PRKCB: variants seen among roughly 807,000 people sequenced by gnomAD.
PRKCB encodes the protein protein kinase C beta type.
In PRKCB, 13 loss-of-function variants were observed where a neutral mutation model predicts 81.5. The ratio of observed to expected loss-of-function variants is 0.16; its 90% confidence interval spans 0.10 to 0.25. The LOEUF is 0.25. Among genes scored for constraint, PRKCB ranks in the 10% least tolerant of loss-of-function variants. PRKCB has a pLI of 1.00. For missense variants in PRKCB, 509 were observed against 875.7 expected, an observed-to-expected ratio of 0.58 and a Z score of 5.29; for synonymous variants, 335 against 321.4, an observed-to-expected ratio of 1.04 and a Z score of -0.45.
Position 24,220,384 on chromosome 16 carries a change from A to G in PRKCB, c.*5568A>G, listed in dbSNP as rs929983199. On this transcript the variant is annotated 3_prime_UTR_variant, in exon 17 of 17. Coordinates refer to ENST00000643927, the MANE Select transcript of PRKCB (RefSeq NM_002738.7). ...CAAATGAACAGACAATGTCAAAACT[A>G]CTGTGTCTGATACCAAAATGCTTCA... 21 of 288,166 alleles carry G rather than the reference A, an allele frequency of 7.3e-5. No homozygotes were observed. The highest frequency in any genetic ancestry group is 3.7e-4 in the African/African-American group (17 of 45,768). The allele number at this position is 288,166 out of a possible 1,614,324, so 17.9% of individuals were successfully genotyped here.
intron 2 of PRKCB, among the ~76,000 whole-genome samples, chr16:23,892,111 G>A (rs530244836): frequency 4.0e-5 from 6 of 151,172 alleles, no homozygotes; most frequent in South Asian, 2.1e-4. Context: ...TAAGTGGCAC[G>A]ATTCCCTTGG....
At chr16:24,023,609 C>T (rs1206887573) in intron 3 of PRKCB, among the ~76,000 whole-genome samples, 1 of 152,112 alleles carries the variant, frequency 6.6e-6, no homozygotes, top group African/African-American at 2.4e-5. Flanking sequence ...ACCTCGTGAT[C>T]CGCCAGCCTC....
At chr16:23,866,565 A>T (rs531416545) in intron 2 of PRKCB, among the ~76,000 whole-genome samples, 3 of 152,308 alleles carry the variant, frequency 2.0e-5, no homozygotes, top group Non-Finnish European at 2.9e-5. Context: ...TCTCCCATGC[A>T]TATGGCCACT....
intron 2 of PRKCB, among the ~76,000 whole-genome samples, chr16:23,936,175 A>C (rs1964055010): frequency 6.7e-6 from 1 of 149,614 alleles, no homozygotes; most frequent in Admixed American, 6.7e-5. Flanking sequence ...GACATACTGC[A>C]ACCCCTATTC....
intron 3 of PRKCB, among the ~76,000 whole-genome samples, chr16:24,030,269 A>C (rs1467977976): frequency 6.6e-6 from 1 of 152,236 alleles, no homozygotes; most frequent in Non-Finnish European, 1.5e-5. Flanking sequence ...CTGTGAGGAA[A>C]GAATCTCTTG....
chr16:23,888,473 C>G (rs915841191), intron 2 of PRKCB, among the ~76,000 whole-genome samples: 1 of 152,194 alleles, frequency 6.6e-6, no homozygotes, highest in Non-Finnish European at 1.5e-5. Flanking sequence ...TCCTTGCTGC[C>G]TTTCTGTGAT....
intron 13 of PRKCB, among the ~76,000 whole-genome samples, chr16:24,182,582 T>C (rs1967642882): frequency 6.6e-6 from 1 of 152,156 alleles, no homozygotes; most frequent in South Asian, 2.1e-4. Context: ...TCAAGTCTTA[T>C]TTGATCCTCA....
intron 5 of PRKCB, among the ~76,000 whole-genome samples, chr16:24,078,746 C>T (rs932388427): frequency 6.6e-6 from 1 of 152,140 alleles, no homozygotes; most frequent in African/African-American, 2.4e-5. Flanking sequence ...TCTTCCCTGT[C>T]GAGGGAAATG....
intron 2 of PRKCB, among the ~76,000 whole-genome samples, chr16:23,924,543 G>C (rs1477972965): frequency 6.6e-6 from 1 of 151,896 alleles, no homozygotes; most frequent in Non-Finnish European, 1.5e-5. Context: ...TCTAGTTTCT[G>C]TTTCCTCTTG....
intron 3 of PRKCB, among the ~76,000 whole-genome samples, chr16:23,992,986 A>T (rs1964907449): frequency 6.6e-6 from 1 of 152,044 alleles, no homozygotes; most frequent in Non-Finnish European, 1.5e-5. Context: ...CATCTTGTCT[A>T]AGGGAACTAA....
intron 2 of PRKCB, among the ~76,000 whole-genome samples, chr16:23,981,300 C>T (rs1032013465): frequency 3.3e-5 from 5 of 152,004 alleles, no homozygotes; most frequent in African/African-American, 1.2e-4. Flanking sequence ...CTTCCATCAT[C>T]ACGTCTCATC....
intron 5 of PRKCB, among the ~76,000 whole-genome samples, chr16:24,075,047 A>G (rs2141887806): frequency 6.6e-6 from 1 of 151,452 alleles, no homozygotes; most frequent in Middle Eastern, 3.4e-3. Flanking sequence ...TGAGCCCAAG[A>G]GGTTGAGACT....
At chr16:24,046,276 G>A (rs1965763659) in intron 5 of PRKCB, among the ~76,000 whole-genome samples, 2 of 152,208 alleles carry the variant, frequency 1.3e-5, no homozygotes, top group Admixed American at 1.3e-4. Flanking sequence ...AGTCAGGCCT[G>A]GGTTTGAATC....
At chr16:23,850,655 A>AGG (rs1962457676) in intron 2 of PRKCB, among the ~76,000 whole-genome samples, 4 of 152,128 alleles carry the variant, frequency 2.6e-5, no homozygotes, top group African/African-American at 9.7e-5. Flanking sequence ...GTCAGCCACC[A>AGG]TGCTCGGTGG....
In PRKCB at chr16:23,956,979, T is replaced by TAAAAAA. The variant is rs10714409; in HGVS notation, c.206-31507_206-31502dup. Among the ~76,000 whole-genome samples, 37 of 45,978 alleles carry TAAAAAA rather than the reference T, an allele frequency of 8.0e-4. 1 individual carries two copies. The highest frequency in any genetic ancestry group is 2.8e-3 in the African/African-American group (31 of 11,200). 30.2% of individuals were successfully genotyped at this position (45,978 alleles called of 152,430 possible). ...TACAGGTGGAGTAAGCTATAGGCAGTAAAAAAAAAAAAAAAAAAAAAAAAA... is the reference window on the plus strand; with the variant it reads ...TACAGGTGGAGTAAGCTATAGGCAGTAAAAAAAAAAAAAAAAAAAAAAAAAAAAAAA... On this transcript the variant is annotated intron_variant, in intron 2 of 16. Coordinates refer to ENST00000643927, the MANE Select transcript of PRKCB (RefSeq NM_002738.7).
intron 5 of PRKCB, among the ~76,000 whole-genome samples, chr16:24,052,079 A>G (rs1485565379): frequency 6.6e-6 from 1 of 152,110 alleles, no homozygotes; most frequent in Non-Finnish European, 1.5e-5. Flanking sequence ...CGTCTCAAAA[A>G]AAAAAAAAAA....
chr16:24,143,899 GCCT>G (rs1325441967), intron 9 of PRKCB, among the ~76,000 whole-genome samples: 2 of 152,052 alleles, frequency 1.3e-5, no homozygotes, highest in Non-Finnish European at 2.9e-5. Flanking sequence ...CTTCTTCCTT[GCCT>G]CCTCCTCCTC....
chr16:24,101,539 A>C (rs993303966), intron 7 of PRKCB, among the ~76,000 whole-genome samples: 1 of 152,242 alleles, frequency 6.6e-6, no homozygotes, highest in Admixed American at 6.5e-5. Context: ...ACCCTGTCTC[A>C]AAGTAAATAA....
intron 9 of PRKCB, among the ~76,000 whole-genome samples, chr16:24,150,666 A>C (rs1029766721): frequency 9.9e-5 from 15 of 152,226 alleles, no homozygotes; most frequent in African/African-American, 2.7e-4. Context: ...CACTTGTTGC[A>C]AAACAAGGGT....
Sources: allele counts gnomAD v4.1 joint callset (sites outside exome capture counted in the v4.1 genomes callset), GRCh38; gene constraint gnomAD v4.1.1; transcripts MANE v1.5; gene names NCBI Gene and HGNC (gene_info 2026-07-23, HGNC 2026-07-21).